The following WWC2 variants were observed in gnomAD, a reference collection of about 807,000 sequenced individuals.
WWC2 encodes the protein WW and C2 domain containing 2.
In WWC2, 101 loss-of-function variants were observed where a neutral mutation model predicts 138.5. The ratio of observed to expected loss-of-function variants is 0.73; its 90% confidence interval spans 0.62 to 0.86. The LOEUF (loss-of-function observed/expected upper bound fraction) is 0.86, where lower values mean the gene tolerates loss of function less well. Among genes scored for constraint, WWC2 ranks in the 40% least tolerant of loss-of-function variants. WWC2 has a pLI of 0.00. For missense variants in WWC2, 1,420 were observed against 1,419.4 expected (o/e 1.00, Z -0.01); for synonymous variants, 558 against 538.4 (o/e 1.04, Z -0.50).
At chr4:183,121,255 G>A (rs577720008) in intron 1 of WWC2, among the ~76,000 whole-genome samples, 2 of 151,398 alleles carry the variant, frequency 1.3e-5, no homozygotes, top group African/African-American at 2.4e-5. Context: ...AATTGTTGAC[G>A]TGTAATTTTC....
intron 21 of WWC2, among the ~76,000 whole-genome samples, chr4:183,305,931 CGT>C (rs1366101408): frequency 6.6e-6 from 1 of 152,042 alleles, no homozygotes; most frequent in Non-Finnish European, 1.5e-5. Flanking sequence ...GTTACATACA[CGT>C]GTGTGTATGC....
intron 1 of WWC2, among the ~76,000 whole-genome samples, chr4:183,112,046 A>C (rs1308064136): frequency 6.6e-6 from 1 of 152,162 alleles, no homozygotes; most frequent in Non-Finnish European, 1.5e-5. Flanking sequence ...TTTTCTGCTA[A>C]ATGACATAGC....
intron 4 of WWC2, among the ~76,000 whole-genome samples, chr4:183,211,177 G>A (rs866177106): frequency 6.6e-6 from 1 of 151,934 alleles, no homozygotes; most frequent in East Asian, 1.9e-4. Flanking sequence ...GTATTTTTCA[G>A]TTCAAAAACT....
intron 4 of WWC2, among the ~76,000 whole-genome samples, chr4:183,232,651 T>C (rs1048876290): frequency 6.6e-6 from 1 of 152,128 alleles, no homozygotes; most frequent in African/African-American, 2.4e-5. Flanking sequence ...GAATAAAGTT[T>C]TATTTTATTT....
chr4:183,117,330 C>T (rs1732445244), intron 1 of WWC2, among the ~76,000 whole-genome samples: 1 of 149,278 alleles, frequency 6.7e-6, no homozygotes, highest in Non-Finnish European at 1.5e-5. Context: ...AAGCGATTCT[C>T]CTGCCTCAGC....
chr4:183,250,002 A>G lies in WWC2; in HGVS notation c.953+9A>G, dbSNP rs1046315127. 1.2e-6 allele frequency: 2 copies of G among 1,612,316 alleles called. No individual in the cohort carries two copies. Among genetic ancestry groups the G allele is most frequent in the Admixed American group, 3.3e-5 (2 of 59,924 alleles). ...GAAGAAGCCAAAAGAAGGTAATGAC[A>G]GAGAAGCTGTTTTGTGCATGGCTCA... On this transcript the variant is annotated intron_variant, in intron 8 of 22. Transcript: ENST00000403733.
intron 1 of WWC2, among the ~76,000 whole-genome samples, chr4:183,110,021 C>T (rs570474803): frequency 1.3e-5 from 2 of 152,274 alleles, no homozygotes; most frequent in East Asian, 1.9e-4. Context: ...TTCTGTATAC[C>T]TCATGATTAT....
intron 1 of WWC2, among the ~76,000 whole-genome samples, chr4:183,116,226 C>T (rs1274463898): frequency 6.6e-6 from 1 of 152,104 alleles, no homozygotes; most frequent in Middle Eastern, 3.2e-3. Context: ...TTCACTGGAA[C>T]ATATCTTATA....
At position 183,142,514 on chromosome 4, in the gene WWC2, A is replaced by C. The variant is rs147834191; in HGVS notation, c.131+42892A>C. Among the ~76,000 whole-genome samples, 780 of 152,352 alleles carry C rather than the reference A, an allele frequency of 5.1e-3. 5 individuals are homozygous for C. The highest frequency in any genetic ancestry group is 0.018 in the African/African-American group (749 of 41,568). ...TAATGGAAAGAAGGTTGACCCCGAC[A>C]AAGAGAGTGTGTATAGGTCCTTCCA... On this transcript the variant is annotated intron_variant, in intron 1 of 22. Transcript: ENST00000403733.
At chr4:183,115,636 C>T (rs1454925470) in intron 1 of WWC2, among the ~76,000 whole-genome samples, 1 of 152,038 alleles carries the variant, frequency 6.6e-6, no homozygotes, top group Non-Finnish European at 1.5e-5. Context: ...AGAATTTTTT[C>T]ATATGCCTTC....
intron 1 of WWC2, among the ~76,000 whole-genome samples, chr4:183,101,726 CAT>C (rs1743186429): frequency 6.6e-6 from 1 of 152,164 alleles, no homozygotes; most frequent in South Asian, 2.1e-4. Context: ...ACTTACCAAA[CAT>C]ATGGAAAGAG....
At chr4:183,229,661 TGA>T (rs909180860) in intron 4 of WWC2, among the ~76,000 whole-genome samples, 6 of 152,018 alleles carry the variant, frequency 3.9e-5, no homozygotes, top group Admixed American at 2.0e-4. Context: ...AATCTAATTA[TGA>T]GAGAGTATCA....
chr4:183,141,152 A>G (rs1733288492), intron 1 of WWC2, among the ~76,000 whole-genome samples: 1 of 152,218 alleles, frequency 6.6e-6, no homozygotes, highest in East Asian at 1.9e-4. Flanking sequence ...ACAAAATACC[A>G]CTGACTGAAT....
At chr4:183,138,697 A>G (rs968170087) in intron 1 of WWC2, among the ~76,000 whole-genome samples, 1 of 152,018 alleles carries the variant, frequency 6.6e-6, no homozygotes, top group Non-Finnish European at 1.5e-5. Flanking sequence ...TTAGGGCCCC[A>G]TTTCCTTTTC....
chr4:183,313,526 A>G (rs997447543), intron 22 of WWC2, among the ~76,000 whole-genome samples: 5 of 152,078 alleles, frequency 3.3e-5, no homozygotes, highest in Admixed American at 1.3e-4. Context: ...ACACCAGGCA[A>G]TGCCAGCAGG....
intron 9 of WWC2, among the ~76,000 whole-genome samples, chr4:183,258,060 T>C (rs1580118065): frequency 6.6e-6 from 1 of 152,208 alleles, no homozygotes; most frequent in Admixed American, 6.5e-5. Flanking sequence ...GGTCACATTC[T>C]GACGTCATCC....
At chr4:183,310,501 G>C (rs1391527146) in intron 21 of WWC2, among the ~76,000 whole-genome samples, 1 of 151,862 alleles carries the variant, frequency 6.6e-6, no homozygotes, top group African/African-American at 2.4e-5. Context: ...GTCTTCACCT[G>C]TTTGTTTGTT....
At chr4:183,144,714 A>G (rs777329213) in intron 1 of WWC2, among the ~76,000 whole-genome samples, 2 of 152,224 alleles carry the variant, frequency 1.3e-5, no homozygotes, top group Non-Finnish European at 2.9e-5. Context: ...TTCTGGGTTC[A>G]GTAGTTTTCA....
At chr4:183,301,909 T>C (rs1443366539) in intron 21 of WWC2, among the ~76,000 whole-genome samples, 2 of 152,228 alleles carry the variant, frequency 1.3e-5, no homozygotes, top group Non-Finnish European at 2.9e-5. Flanking sequence ...GAAAGAGTTA[T>C]ACAAAAATGG....
Sources: gnomAD v4.1 joint callset for allele counts (sites outside exome capture counted in the v4.1 genomes callset) on GRCh38, gnomAD v4.1.1 for gene constraint, MANE v1.5 for transcripts, NCBI Gene and HGNC (gene_info 2026-07-23, HGNC 2026-07-21) for gene names.